Variants in VEPH1 observed in about 807,000 individuals in gnomAD.
VEPH1 encodes ventricular zone-expressed PH domain-containing protein homolog 1.
In VEPH1, 80 loss-of-function variants were observed where a neutral mutation model predicts 85.2. That is an observed-to-expected ratio of 0.94 (90% CI 0.78 to 1.13). The LOEUF is 1.13. VEPH1 is among the 50% of genes most tolerant of loss of function. VEPH1 has a pLI of 0.00. For synonymous variants in VEPH1, 297 were observed against 348.0 expected (o/e 0.85, Z 1.63); for missense variants, 955 against 980.5 (o/e 0.97, Z 0.35).
intron 4 of VEPH1, chr3:157,443,060 G>C (rs537384468): frequency 3.4e-6 from 5 of 1,469,884 alleles, no homozygotes; most frequent in Non-Finnish European, 4.6e-6. Context: ...TGAAAACTCA[G>C]TGCATAATAG....
At chr3:157,345,168 T>C (rs1724070298) in intron 9 of VEPH1, among the ~76,000 whole-genome samples, 1 of 152,098 alleles carries the variant, frequency 6.6e-6, no homozygotes, top group Admixed American at 6.6e-5. Context: ...AAAGCCAAAA[T>C]TGACAAATGG....
At chr3:157,317,579 G>C (rs1720876100) in intron 9 of VEPH1, among the ~76,000 whole-genome samples, 1 of 152,170 alleles carries the variant, frequency 6.6e-6, no homozygotes, top group Non-Finnish European at 1.5e-5. Context: ...GGTAGTAAAT[G>C]ACTTGCCATG....
intron 7 of VEPH1, among the ~76,000 whole-genome samples, chr3:157,380,470 A>T (rs938251899): frequency 2.0e-5 from 3 of 152,166 alleles, no homozygotes; most frequent in Non-Finnish European, 2.9e-5. Flanking sequence ...TTTTCCTTGT[A>T]ACATAACCCT....
At chr3:157,463,904 A>G (rs1736121021) in intron 3 of VEPH1, among the ~76,000 whole-genome samples, 1 of 152,142 alleles carries the variant, frequency 6.6e-6, no homozygotes, top group African/African-American at 2.4e-5. Context: ...CCACGGTGAA[A>G]CCTGATTAAA....
At chr3:157,272,240 TCTTCCTTC>T (rs59176910) in intron 12 of VEPH1, among the ~76,000 whole-genome samples, 10,253 of 136,852 alleles carry the variant, frequency 0.075, 552 homozygotes, top group African/African-American at 0.11. Context: ...TCTCTTTTCT[TCTTCCTTC>T]CTTCCTTCCT....
chr3:157,447,842 A>G (rs571424204), intron 4 of VEPH1, among the ~76,000 whole-genome samples: 1 of 152,060 alleles, frequency 6.6e-6, no homozygotes, highest in East Asian at 1.9e-4. Context: ...TGATCTGCCC[A>G]TCTCAGCCTC....
intron 12 of VEPH1, among the ~76,000 whole-genome samples, chr3:157,279,239 A>G (rs1361663284): frequency 6.6e-6 from 1 of 152,208 alleles, no homozygotes; most frequent in Non-Finnish European, 1.5e-5. Flanking sequence ...TCCAGAGAGT[A>G]GGAAGGAAGC....
At chr3:157,365,930 C>T (rs1408016662) in intron 7 of VEPH1, among the ~76,000 whole-genome samples, 1 of 152,150 alleles carries the variant, frequency 6.6e-6, no homozygotes, top group Admixed American at 6.5e-5. Flanking sequence ...TGGCGGTTAA[C>T]TCGATCTTCA....
intron 4 of VEPH1, among the ~76,000 whole-genome samples, chr3:157,447,419 G>A (rs968278777): frequency 1.3e-5 from 2 of 152,018 alleles, no homozygotes; most frequent in Non-Finnish European, 2.9e-5. Context: ...TAATAAGATT[G>A]CTTAGTAGCT....
intron 4 of VEPH1, among the ~76,000 whole-genome samples, chr3:157,431,111 A>G (rs1560055579): frequency 6.6e-6 from 1 of 152,150 alleles, no homozygotes; most frequent in Non-Finnish European, 1.5e-5. Flanking sequence ...TGCTGTTTTC[A>G]TGATAGTGAG....
intron 3 of VEPH1, among the ~76,000 whole-genome samples, chr3:157,460,880 T>C (rs1431871994): frequency 2.0e-5 from 3 of 151,982 alleles, no homozygotes; most frequent in African/African-American, 7.3e-5. Flanking sequence ...ACGGGGCAGG[T>C]AAACAGGGGC....
At chr3:157,316,954 C>T in intron 10 of VEPH1, 108 bp downstream of exon 10, 1 of 1,130,550 alleles carries the variant, frequency 8.8e-7, no homozygotes, top group Non-Finnish European at 1.2e-6. Context: ...GTATGTATTG[C>T]TGTTATCTAC....
At chr3:157,391,687 C>G (rs143065100) in intron 6 of VEPH1, among the ~76,000 whole-genome samples, 1 of 152,272 alleles carries the variant, frequency 6.6e-6, no homozygotes, top group African/African-American at 2.4e-5. Flanking sequence ...TTCACAAAAA[C>G]TTTCCTAATC....
At chr3:157,363,932 A>G (rs933358398) in intron 8 of VEPH1, among the ~76,000 whole-genome samples, 171 bp from the exon 9 acceptor site, 2 of 152,214 alleles carry the variant, frequency 1.3e-5, no homozygotes, top group Non-Finnish European at 2.9e-5. Flanking sequence ...CAAACCTTTG[A>G]AAATCTAAGT....
chr3:157,302,753 A>G (rs993152945), intron 11 of VEPH1, among the ~76,000 whole-genome samples: 5 of 152,066 alleles, frequency 3.3e-5, no homozygotes, highest in African/African-American at 9.7e-5. Context: ...ATAGACCACA[A>G]AAAAATCTAA....
In VEPH1 at chr3:157,333,396, T is replaced by C. The variant is rs189885868; in HGVS notation, c.1736-16195A>G. On this transcript the variant is annotated intron_variant, in intron 9 of 13. Transcript: ENST00000362010. ...TGATGGTTGCCAAATACAAGTTAGA[T>C]GTCCAAACATTAAGAATACAAAGTA... is the stretch of plus-strand genomic sequence containing the variant. 1.7e-3 allele frequency among the ~76,000 whole-genome samples: 258 copies of C among 152,300 alleles called. 2 individuals carry two copies. In the Middle Eastern group the frequency reaches 0.017, roughly 10 times the overall value.
At position 157,391,088 on chromosome 3, in the gene VEPH1, T is replaced by C. The variant is rs532533222; in HGVS notation, c.907-9712A>G. On this transcript the variant is annotated intron_variant, in intron 6 of 13. Coordinates refer to ENST00000362010, the MANE Select transcript of VEPH1 (RefSeq NM_001167912.2). ...CTTGCTGCGGCCAGATCTTGTACTT[T>C]GTCACTCACACACCCCTTGCCGTTC... 3.9e-5 allele frequency among the ~76,000 whole-genome samples: 6 copies of C among 152,322 alleles called. No individual in the cohort carries two copies. The South Asian group carries it at 1.2e-3, about 32-fold the overall frequency.
chr3:157,405,735 C>A (rs977226913), intron 6 of VEPH1, among the ~76,000 whole-genome samples: 8 of 152,206 alleles, frequency 5.3e-5, no homozygotes, highest in Non-Finnish European at 8.8e-5. Flanking sequence ...AAAACTCCCC[C>A]ACATGGGGTT....
chr3:157,292,492 G>A (rs1053011205), intron 11 of VEPH1, among the ~76,000 whole-genome samples: 5 of 151,862 alleles, frequency 3.3e-5, no homozygotes, highest in Non-Finnish European at 5.9e-5. Context: ...AGGAGTTGGA[G>A]ACCAGCCTGG....
Sources: gnomAD v4.1 joint callset for allele counts (sites outside exome capture counted in the v4.1 genomes callset) on GRCh38, gnomAD v4.1.1 for gene constraint, MANE v1.5 for transcripts, NCBI Gene and HGNC (gene_info 2026-07-23, HGNC 2026-07-21) for gene names.